Variants in CDH13 observed in about 807,000 individuals in gnomAD.
The protein encoded by CDH13 is cadherin 13, also known as cadherin-13.
In CDH13, 24 loss-of-function variants were observed where a neutral mutation model predicts 63.8. That is an observed-to-expected ratio of 0.38 (90% CI 0.27 to 0.53). The LOEUF is 0.53. CDH13 is among the 20% of genes least tolerant of loss of function. CDH13 has a pLI of 0.85. For missense variants in CDH13, 1,049 were observed against 903.1 expected (o/e 1.16, Z -2.07); for synonymous variants, 503 against 355.3 (o/e 1.42, Z -4.67).
chr16:83,421,938 A>G (rs571265917), intron 6 of CDH13, among the ~76,000 whole-genome samples: 4 of 152,330 alleles, frequency 2.6e-5, no homozygotes, highest in African/African-American at 9.6e-5. Flanking sequence ...TAGCCATGAT[A>G]TTTTGGTTGC....
At chr16:82,861,289 A>C (rs2039935154) in intron 2 of CDH13, among the ~76,000 whole-genome samples, 1 of 152,170 alleles carries the variant, frequency 6.6e-6, no homozygotes, top group South Asian at 2.1e-4. Context: ...TATCTTTGCA[A>C]TATTTAAGAG....
intron 6 of CDH13, among the ~76,000 whole-genome samples, chr16:83,381,595 A>G (rs1321237975): frequency 1.3e-5 from 2 of 151,790 alleles, no homozygotes; most frequent in African/African-American, 4.8e-5. Context: ...CCTTCACATC[A>G]CCTTCTCCCA....
chr16:83,166,837 A>G (rs1368582952), intron 4 of CDH13, among the ~76,000 whole-genome samples: 2 of 152,188 alleles, frequency 1.3e-5, no homozygotes, highest in African/African-American at 2.4e-5. Context: ...TGAAGCAAGG[A>G]CAAGTGTATT....
At chr16:82,954,842 G>A (rs554026931) in intron 2 of CDH13, 2 of 151,270 alleles carry the variant, frequency 1.3e-5, no homozygotes, top group Admixed American at 6.6e-5. Context: ...TTCTGTCTCT[G>A]TTTCATTCCC....
intron 11 of CDH13, among the ~76,000 whole-genome samples, chr16:83,764,655 G>A (rs1379432267): frequency 6.7e-6 from 1 of 150,300 alleles, no homozygotes; most frequent in Non-Finnish European, 1.5e-5. Context: ...CTTTACTCTT[G>A]CATCCTGCCT....
At chr16:83,163,568 A>G (rs1020230234) in intron 4 of CDH13, among the ~76,000 whole-genome samples, 1 of 152,136 alleles carries the variant, frequency 6.6e-6, no homozygotes, top group African/African-American at 2.4e-5. Flanking sequence ...GGGCACACAG[A>G]AATTTCCGAC....
chr16:82,975,331 G>A (rs1381079698), intron 2 of CDH13, among the ~76,000 whole-genome samples: 4 of 152,162 alleles, frequency 2.6e-5, no homozygotes, highest in Admixed American at 2.6e-4. Flanking sequence ...AGGGCTGTGT[G>A]GACTCCATGG....
At chr16:83,166,841 G>A (rs1213809118) in intron 4 of CDH13, among the ~76,000 whole-genome samples, 1 of 152,182 alleles carries the variant, frequency 6.6e-6, no homozygotes, top group African/African-American at 2.4e-5. Context: ...GCAAGGACAA[G>A]TGTATTACCG....
intron 6 of CDH13, chr16:83,397,459 A>T (rs1055590880): frequency 6.6e-6 from 1 of 152,168 alleles, no homozygotes; most frequent in Non-Finnish European, 1.5e-5. Context: ...TGTGACTTTT[A>T]TAAGGTCTAG....
chr16:83,215,420 G>GC (rs2039468516), intron 4 of CDH13, among the ~76,000 whole-genome samples: 2 of 151,286 alleles, frequency 1.3e-5, no homozygotes, highest in Admixed American at 1.3e-4. Context: ...CCAATTTTCA[G>GC]TTACTCTTAA....
At chr16:83,128,819 C>T (rs183179333) in intron 4 of CDH13, among the ~76,000 whole-genome samples, 229 of 152,294 alleles carry the variant, frequency 1.5e-3, no homozygotes, top group African/African-American at 5.3e-3. Context: ...TGAGGACTCA[C>T]TTCTTCTTAG....
At chr16:83,130,954 T>C (rs1393657862) in intron 4 of CDH13, among the ~76,000 whole-genome samples, 1 of 152,162 alleles carries the variant, frequency 6.6e-6, no homozygotes, top group Non-Finnish European at 1.5e-5. Flanking sequence ...TGTGTAGAAC[T>C]GAATACCCAC....
intron 6 of CDH13, among the ~76,000 whole-genome samples, chr16:83,444,779 A>G (rs1598035957): frequency 1.0e-3 from 1 of 988 alleles, no homozygotes; most frequent in East Asian, 0.12. Context: ...TATTTCATTC[A>G]TAATATTCTG....
intron 2 of CDH13, among the ~76,000 whole-genome samples, chr16:82,992,728 G>C (rs1282109060): frequency 6.6e-6 from 1 of 152,090 alleles, no homozygotes; most frequent in Non-Finnish European, 1.5e-5. Context: ...TGTGGTTCTT[G>C]GCATCAAGCA....
chr16:83,669,448 A>G (rs960548610), intron 8 of CDH13, among the ~76,000 whole-genome samples: 2 of 152,176 alleles, frequency 1.3e-5, no homozygotes, highest in African/African-American at 2.4e-5. Context: ...TAGACATTAA[A>G]CAAGAATCAC....
At chr16:82,755,774 G>C (rs1343505320) in intron 1 of CDH13, among the ~76,000 whole-genome samples, 13 of 152,148 alleles carry the variant, frequency 8.5e-5, no homozygotes, top group Non-Finnish European at 1.9e-4. Flanking sequence ...TTGACCACTA[G>C]GTGGTATGTC....
chr16:82,823,439 T>C (rs1047615713), intron 1 of CDH13: 5 of 152,142 alleles, frequency 3.3e-5, no homozygotes, highest in African/African-American at 4.8e-5. Flanking sequence ...AGTTGTTTCA[T>C]GAATTTGAAA....
intron 7 of CDH13, among the ~76,000 whole-genome samples, chr16:83,599,694 A>G (rs1213978737): frequency 6.6e-6 from 1 of 152,196 alleles, no homozygotes; most frequent in East Asian, 1.9e-4. Flanking sequence ...TTAAAATAAC[A>G]TCTAGGAATT....
At chr16:83,208,438 G>A (rs902976649) in intron 4 of CDH13, among the ~76,000 whole-genome samples, 3 of 151,684 alleles carry the variant, frequency 2.0e-5, no homozygotes, top group African/African-American at 7.3e-5. Flanking sequence ...AAACACAAAT[G>A]CCTCTGAACA....
Sources: gnomAD v4.1 joint callset for allele counts (sites outside exome capture counted in the v4.1 genomes callset) on GRCh38, gnomAD v4.1.1 for gene constraint, MANE v1.5 for transcripts, NCBI Gene and HGNC (gene_info 2026-07-23, HGNC 2026-07-21) for gene names.